MUTYH: variants seen among roughly 807,000 people sequenced by gnomAD.
MUTYH encodes the protein adenine DNA glycosylase.
A neutral mutation model predicts 72.9 loss-of-function variants in MUTYH; 64 were observed. The observed-to-expected ratio is 0.88, with a 90% confidence interval of 0.72 to 1.08. MUTYH has a LOEUF of 1.08. MUTYH is among the 50% of genes least tolerant of loss of function. MUTYH has a pLI of 0.00. For synonymous variants in MUTYH, 234 were observed against 263.1 expected, an observed-to-expected ratio of 0.89 and a Z score of 1.07; for missense variants, 633 against 671.0, an observed-to-expected ratio of 0.94 and a Z score of 0.63.
upstream of MUTYH, chr1:45,339,991 G>A: frequency 2.0e-6 from 3 of 1,535,088 alleles, no homozygotes; most frequent in South Asian, 1.2e-5. Context: ...GCGAGCTCTA[G>A]CGCGCCCGGC....
In MUTYH at chr1:45,332,275, G is replaced by T. The variant is rs1427656678; in HGVS notation, c.740C>A (p.Pro247Gln). The change falls in exon 10 of 16, where the codon CCA becomes CAA. Residue 247 changes from proline to glutamine, a missense_variant. Transcript: ENST00000456914. ...CATGGCTGCTTGGTTGAAATCTCCT[G>T]GCCGGGCTGGGTCCACCAGCTGCTG... ...LAQQLVDPAR[P>Q]GDFNQAAMEL... 6.2e-7 allele frequency: 1 copy of T among 1,614,082 alleles called. No individual in the cohort carries two copies. The highest frequency in any genetic ancestry group is 1.1e-5 in the South Asian group (1 of 91,090).
At chr1:45,338,138 T>G (rs1570529288) in intron 1 of MUTYH, 1 of 507,372 alleles carries the variant, frequency 2.0e-6, no homozygotes, top group Admixed American at 2.3e-5. Flanking sequence ...GTAGAAGAGG[T>G]CAGAGAAGTA....
At chr1:45,339,507 C>G (rs1156558686) in intron 1 of MUTYH, among the ~76,000 whole-genome samples, 1 of 152,172 alleles carries the variant, frequency 6.6e-6, no homozygotes, top group Non-Finnish European at 1.5e-5. Flanking sequence ...AGCCACCGCG[C>G]CCGGCCTAGG....
chr1:45,340,180 C>T, upstream of MUTYH: 1 of 1,612,390 alleles, frequency 6.2e-7, no homozygotes, highest in Non-Finnish European at 8.5e-7. Context: ...CCCCGACTGC[C>T]TGAACCGCGC....
At chr1:45,340,302 A>C, upstream of MUTYH, 1 of 1,612,776 alleles carries the variant, frequency 6.2e-7, no homozygotes, top group Non-Finnish European at 8.5e-7. Context: ...GCAGCTTCCG[A>C]CGGTGAGCGG....
rs1279750188 is a variant in MUTYH at position 45,331,341 on chromosome 1, G to A, written c.1240-7C>T. On this transcript the variant is annotated splice_region_variant and splice_polypyrimidine_tract_variant and intron_variant, in intron 13 of 15. Coordinates refer to ENST00000456914, the MANE Select transcript of MUTYH (RefSeq NM_001048174.2). Reference sequence around the variant, plus strand: ...GAGAGAAGGTGTGGACAACCTGGAGGAAGGGTCAAGGGGTTCAAATAGGCC... The same window carrying A: ...GAGAGAAGGTGTGGACAACCTGGAGAAAGGGTCAAGGGGTTCAAATAGGCC... The A allele has an allele frequency of 2.5e-6, 4 of 1,614,094 alleles. No homozygotes were observed. The highest frequency in any genetic ancestry group is 3.4e-6 in the Non-Finnish European group (4 of 1,180,052).
chr1:45,333,904 G>A (rs916379940), intron 2 of MUTYH, among the ~76,000 whole-genome samples: 1 of 152,210 alleles, frequency 6.6e-6, no homozygotes, highest in Non-Finnish European at 1.5e-5. Context: ...CCACATGAGG[G>A]AGGAAATGCT....
At chr1:45,340,319 A>G, upstream of MUTYH, 1 of 1,610,294 alleles carries the variant, frequency 6.2e-7, no homozygotes, top group African/African-American at 1.3e-5. Context: ...GCGGCTTCCC[A>G]GAGGTAGCCT....
chr1:45,332,070 A>T lies in MUTYH; in HGVS notation c.866T>A (p.Leu289His), dbSNP rs878854195. ...GCCCGACAGGCTCCCTGAGGCTAAG[A>T]GCTGTTCCTGCTCCACCTGAGAGGC... is the stretch of plus-strand genomic sequence containing the variant. ...RARQRVEQEQ[L>H]LASGSLSGSP... Residue 289 changes from leucine (L) to histidine (H), a missense_variant, in exon 11 of 16, where the codon CTC becomes CAC. Coordinates refer to ENST00000456914, the MANE Select transcript of MUTYH (RefSeq NM_001048174.2). 1.2e-6 allele frequency: 2 copies of T among 1,614,042 alleles called. No homozygotes were observed. Among genetic ancestry groups the T allele is most frequent in the South Asian group, 1.1e-5 (1 of 91,092 alleles).
chr1:45,329,622 G>A (rs945321615), intron 15 of MUTYH, among the ~76,000 whole-genome samples, 185 bp from the exon 16 acceptor site: 8 of 152,152 alleles, frequency 5.3e-5, no homozygotes, highest in African/African-American at 1.9e-4. Context: ...GGCTGCCTGA[G>A]GGAATCGAAT....
At chr1:45,331,581 G>T in intron 12 of MUTYH, 25 bp from the exon 13 acceptor site, 10 of 1,613,574 alleles carry the variant, frequency 6.2e-6, no homozygotes, top group Non-Finnish European at 8.5e-6. Flanking sequence ...AGCCAGGCAG[G>T]GGTCAGGCCT....
At chr1:45,337,475 T>C (rs890142435) in intron 1 of MUTYH, among the ~76,000 whole-genome samples, 13 of 152,078 alleles carry the variant, frequency 8.5e-5, no homozygotes, top group African/African-American at 3.1e-4. Flanking sequence ...TTATATTCTT[T>C]TATTTTCTTT....
chr1:45,338,413 C>T (rs1346362340), intron 1 of MUTYH: 3 of 416,542 alleles, frequency 7.2e-6, no homozygotes, highest in South Asian at 6.6e-5. Flanking sequence ...ATGCTTTTAC[C>T]TAACACCTTA....
intron 15 of MUTYH, 51 bp from the exon 16 acceptor site, chr1:45,329,488 G>C: frequency 1.9e-6 from 3 of 1,607,290 alleles, no homozygotes; most frequent in African/African-American, 1.3e-5. Context: ...AGGGGGAGCA[G>C]AGAATCCTCT....
At chr1:45,337,607 C>T (rs1385893253) in intron 1 of MUTYH, among the ~76,000 whole-genome samples, 1 of 151,640 alleles carries the variant, frequency 6.6e-6, no homozygotes, top group East Asian at 1.9e-4. Flanking sequence ...GTTGTGGTGG[C>T]TCAACACTGT....
intron 14 of MUTYH, 125 bp downstream of exon 14, chr1:45,331,057 C>T (rs1479040578): frequency 3.0e-6 from 4 of 1,342,986 alleles, no homozygotes; most frequent in Admixed American, 1.8e-5. Context: ...TGCACTCCAG[C>T]CTGGGCAACA....
upstream of MUTYH, chr1:45,340,329 T>A: frequency 6.2e-7 from 1 of 1,605,972 alleles, no homozygotes; most frequent in Non-Finnish European, 8.5e-7. Flanking sequence ...AGAGGTAGCC[T>A]TCAAAGCCTC....
At chr1:45,340,360 G>A, upstream of MUTYH, 1 of 1,574,202 alleles carries the variant, frequency 6.4e-7, no homozygotes, top group Non-Finnish European at 8.6e-7. Context: ...GAGAGGGGAA[G>A]GCCTCGGGCT....
At chr1:45,340,339 C>G, upstream of MUTYH, 1 of 1,598,502 alleles carries the variant, frequency 6.3e-7, no homozygotes, top group South Asian at 1.1e-5. Context: ...TTCAAAGCCT[C>G]TGCGCTCTGG....
Sources: gnomAD v4.1 joint callset for allele counts (sites outside exome capture counted in the v4.1 genomes callset) on GRCh38, gnomAD v4.1.1 for gene constraint, MANE v1.5 for transcripts, NCBI Gene and HGNC (gene_info 2026-07-23, HGNC 2026-07-21) for gene names.